Variants in C2CD3 observed in about 807,000 individuals in gnomAD.
The protein encoded by C2CD3 is C2 domain containing 3 centriole elongation regulator, also known as C2 domain-containing protein 3.
C2CD3 carries 148 observed loss-of-function variants against 234.0 expected under a neutral mutation model. The ratio of observed to expected loss-of-function variants is 0.63; its 90% confidence interval spans 0.55 to 0.72. C2CD3 has a LOEUF of 0.72. Among genes scored for constraint, C2CD3 ranks in the 30% least tolerant of loss-of-function variants. The probability of loss-of-function intolerance (pLI) is 0.00; values close to 1 mark genes in which losing one functional copy is unlikely to be tolerated. For synonymous variants in C2CD3, 1,000 were observed against 1,035.4 expected (o/e 0.97, Z 0.66); for missense variants, 2,577 against 2,811.5 (o/e 0.92, Z 1.89).
Position 74,106,428 on chromosome 11 carries a change from G to C in C2CD3, c.2028C>G (p.Phe676Leu). Reference protein sequence around the residue: ...RAVIQSELLSFSDQLPVQQEN... With the variant: ...RAVIQSELLSLSDQLPVQQEN... ...CTTGTTGCACTGGAAGCTGATCACT[G>C]AAAGAAAGCAGCTCTGATTGAATGA... The change falls in exon 13 of 33, where the codon TTC (phenylalanine) becomes TTG (leucine). Residue 676 changes from phenylalanine (F) to leucine (L), a missense_variant. Phe to Leu is a conservative substitution (Grantham distance 22, BLOSUM62 0). Coordinates refer to ENST00000334126, the MANE Select transcript of C2CD3 (RefSeq NM_001286577.2). The C allele has an allele frequency of 6.2e-7, 1 of 1,613,746 alleles. No homozygotes were observed. Among genetic ancestry groups the C allele is most frequent in the Non-Finnish European group, 8.5e-7 (1 of 1,179,662 alleles).
intron 20 of C2CD3, among the ~76,000 whole-genome samples, chr11:74,088,940 C>T (rs1445424910): frequency 6.6e-6 from 1 of 152,124 alleles, no homozygotes; most frequent in African/African-American, 2.4e-5. Context: ...AGGCTGTATA[C>T]AACTTAGGAG....
At chr11:74,022,624 T>C (rs760288561) in intron 32 of C2CD3, among the ~76,000 whole-genome samples, 1 of 151,886 alleles carries the variant, frequency 6.6e-6, no homozygotes, top group Non-Finnish European at 1.5e-5. Flanking sequence ...GCCGTTCTCA[T>C]CGTCAACCTC....
chr11:74,133,627 T>A, intron 5 of C2CD3, 70 bp from the exon 6 acceptor site: 1 of 1,538,432 alleles, frequency 6.5e-7, no homozygotes, highest in Non-Finnish European at 8.9e-7. Context: ...ATTCAGTGCA[T>A]TTCCTTCTAT....
At chr11:74,030,007 T>C (rs757860997) in intron 31 of C2CD3, among the ~76,000 whole-genome samples, 23 of 152,182 alleles carry the variant, frequency 1.5e-4, no homozygotes, top group Non-Finnish European at 2.9e-4. Flanking sequence ...CCTCCCACCT[T>C]GGCCTCCCAA....
chr11:74,066,292 TA>T lies in C2CD3; in HGVS notation c.4951+7960del, dbSNP rs373552133. On this transcript the variant is annotated intron_variant, in intron 24 of 32. Coordinates refer to ENST00000334126, the MANE Select transcript of C2CD3 (RefSeq NM_001286577.2). ...AGGGGGGAGGGATAGTGTTAGGAGA[TA>T]TACCTAATGTAAATGACGAGTTAAT... Among the ~76,000 whole-genome samples, 1,107 of 133,006 alleles carry T rather than the reference TA, an allele frequency of 8.3e-3. 14 individuals carry two copies. The highest frequency in any genetic ancestry group is 0.016 in the African/African-American group (550 of 33,618). The allele number at this position is 133,006 out of a possible 152,430, so 87.3% of individuals were successfully genotyped here.
intron 24 of C2CD3, among the ~76,000 whole-genome samples, chr11:74,068,025 G>A (rs1222116901): frequency 2.0e-5 from 3 of 152,156 alleles, no homozygotes; most frequent in Non-Finnish European, 2.9e-5. Flanking sequence ...TGGCTATGAC[G>A]AGAGCTTCTG....
At chr11:74,085,017 C>T (rs771365291) in intron 21 of C2CD3, 47 bp from the exon 22 acceptor site, 2 of 1,084,042 alleles carry the variant, frequency 1.8e-6, no homozygotes, top group South Asian at 2.5e-5. Flanking sequence ...GTCTATTCAT[C>T]AAGGGGCTAG....
At chr11:74,141,259 CA>C (rs1372892183) in intron 3 of C2CD3, among the ~76,000 whole-genome samples, 3 of 152,100 alleles carry the variant, frequency 2.0e-5, no homozygotes, top group African/African-American at 7.2e-5. Context: ...GTTCATGAAC[CA>C]TAATATAAAG....
At chr11:74,065,455 A>C (rs1026324602) in intron 24 of C2CD3, among the ~76,000 whole-genome samples, 1 of 152,224 alleles carries the variant, frequency 6.6e-6, no homozygotes, top group African/African-American at 2.4e-5. Context: ...ACACTTTTAC[A>C]CTGTTGGTGG....
intron 19 of C2CD3, chr11:74,091,154 T>C: frequency 2.3e-6 from 1 of 431,972 alleles, no homozygotes; most frequent in Non-Finnish European, 4.1e-6. Flanking sequence ...GAAATTATGG[T>C]TCAGAGATTT....
intron 7 of C2CD3, among the ~76,000 whole-genome samples, chr11:74,126,561 G>A (rs749958796): frequency 2.0e-5 from 3 of 152,038 alleles, no homozygotes; most frequent in Non-Finnish European, 2.9e-5. Flanking sequence ...TGGCCAACAC[G>A]GTGAAACCCC....
At chr11:74,022,001 C>T (rs1369854272) in intron 32 of C2CD3, among the ~76,000 whole-genome samples, 1 of 152,146 alleles carries the variant, frequency 6.6e-6, no homozygotes, top group Non-Finnish European at 1.5e-5. Context: ...TGGCACGCGC[C>T]TATAATCCCA....
chr11:74,018,856 C>A (rs549435156), intron 32 of C2CD3, among the ~76,000 whole-genome samples: 1 of 152,108 alleles, frequency 6.6e-6, no homozygotes, highest in Admixed American at 6.6e-5. Flanking sequence ...ACCCTCCATG[C>A]CTAAATTAGA....
intron 9 of C2CD3, among the ~76,000 whole-genome samples, chr11:74,115,658 C>A (rs184851595): frequency 6.6e-6 from 1 of 152,190 alleles, no homozygotes; most frequent in African/African-American, 2.4e-5. Flanking sequence ...AAAGAGCCCA[C>A]ATAGCCAAAG....
At position 74,057,416 on chromosome 11, in the gene C2CD3, G is replaced by A. The variant is rs748865668; in HGVS notation, c.5080C>T (p.Gln1694Ter). Reference sequence around the variant, plus strand: ...ACGGATAACACAAACCTTGACTGCTGTTGAAAATTCCAGATGGGGGAATCT... The same window carrying A: ...ACGGATAACACAAACCTTGACTGCTATTGAAAATTCCAGATGGGGGAATCT... ...NTDSPIWNFQQQSRLSKELLL... is the reference protein window; with the variant it reads ...NTDSPIWNFQ The change falls in exon 25 of 33, where the codon CAG (glutamine) becomes TAG (stop). Residue 1694 changes from glutamine (Q) to a stop codon, truncating the protein, a stop_gained. Coordinates refer to ENST00000334126, the MANE Select transcript of C2CD3 (RefSeq NM_001286577.2). LOFTEE classifies it high-confidence loss of function. 1 of 1,614,146 alleles carries A rather than the reference G, an allele frequency of 6.2e-7. No homozygotes were observed. Among genetic ancestry groups the A allele is most frequent in the Non-Finnish European group, 8.5e-7 (1 of 1,179,998 alleles).
intron 28 of C2CD3, among the ~76,000 whole-genome samples, chr11:74,046,137 C>T (rs1329062832): frequency 6.6e-6 from 1 of 151,182 alleles, no homozygotes; most frequent in Non-Finnish European, 1.5e-5. Context: ...TGAATTTTAA[C>T]ACATGTATAC....
At chr11:74,159,578 T>C (rs552057943) in intron 3 of C2CD3, among the ~76,000 whole-genome samples, 1 of 152,204 alleles carries the variant, frequency 6.6e-6, no homozygotes, top group Non-Finnish European at 1.5e-5. Context: ...AAAAAGCTTA[T>C]AGAATAGGGA....
chr11:74,059,628 C>T (rs1244793454), intron 24 of C2CD3, among the ~76,000 whole-genome samples: 1 of 152,118 alleles, frequency 6.6e-6, no homozygotes, highest in East Asian at 1.9e-4. Context: ...TTCCTGTCCA[C>T]ATGCAGTTTA....
chr11:74,093,757 G>C, intron 18 of C2CD3, 59 bp downstream of exon 18: 3 of 1,380,706 alleles, frequency 2.2e-6, no homozygotes, highest in Non-Finnish European at 3.0e-6. Context: ...TTAGGAGTAG[G>C]ATGCTTTATG....
Sources: allele counts gnomAD v4.1 joint callset (sites outside exome capture counted in the v4.1 genomes callset), GRCh38; gene constraint gnomAD v4.1.1; transcripts MANE v1.5; gene names NCBI Gene and HGNC (gene_info 2026-07-23, HGNC 2026-07-21).